Variants in CC2D2B observed in about 807,000 individuals in gnomAD.
The protein encoded by CC2D2B is protein CC2D2B.
In CC2D2B, 128 loss-of-function variants were observed where a neutral mutation model predicts 161.2. The observed-to-expected ratio is 0.79, with a 90% CI of 0.69 to 0.92. CC2D2B has a LOEUF of 0.92. Ranked by LOEUF, CC2D2B falls within the 40% of genes least tolerant of loss-of-function variation. CC2D2B has a pLI of 0.00. For synonymous variants in CC2D2B, 391 were observed against 449.8 expected (o/e 0.87, Z 1.65); for missense variants, 1,173 against 1,375.1 (o/e 0.85, Z 2.32).
Position 96,019,209 on chromosome 10 carries a change from G to T in CC2D2B, c.3637G>T (p.Val1213Leu), listed in dbSNP as rs1423431977. Residue 1213 changes from valine (V) to leucine (L), a missense_variant, in exon 31 of 35, where the codon GTG becomes TTG. Physicochemically the swap from Val to Leu is conservative, Grantham distance 32. Around this residue, in one of 3 missense-constraint regions of CC2D2B, gnomAD observed 598 missense variants for 693.2 expected, o/e 0.86. Transcript: ENST00000646931. ...LLGTSVLEGH[V>L]AYVVTQETNE... ...TTTCTTTTTTCTCATACAGGGGCATGTGGCTTATGTAGTAACTCAAGAAAC... is the reference window on the plus strand; with the variant it reads ...TTTCTTTTTTCTCATACAGGGGCATTTGGCTTATGTAGTAACTCAAGAAAC... 2 of 1,595,340 alleles carry T rather than the reference G, an allele frequency of 1.3e-6. No homozygotes were observed. The highest frequency in any genetic ancestry group is 4.5e-5 in the East Asian group (2 of 44,694).
chr10:95,999,172 G>C (rs1479912681), intron 24 of CC2D2B, among the ~76,000 whole-genome samples: 1 of 152,192 alleles, frequency 6.6e-6, no homozygotes, highest in African/African-American at 2.4e-5. Context: ...TCTCAGCCCA[G>C]TTGACACATA....
Position 95,921,945 on chromosome 10 carries a change from T to C in CC2D2B, c.37-71T>C, listed in dbSNP as rs2098528254. On this transcript the variant is annotated intron_variant, in intron 2 of 34. Coordinates refer to ENST00000646931, the MANE Select transcript of CC2D2B (RefSeq NM_001349008.3). ...ATGTACCCTAGGACTTAAAGTATAA[T>C]AATAATAATAATAAAAGATGTTCAG... 17 of 826,268 alleles carry C rather than the reference T, an allele frequency of 2.1e-5. No homozygotes were observed. In the South Asian group the frequency reaches 3.1e-4, roughly 15 times the overall value. The allele number at this position is 826,268 out of a possible 1,614,324, so 51.2% of individuals were successfully genotyped here.
chr10:95,970,154 C>T (rs1041715177), intron 15 of CC2D2B, among the ~76,000 whole-genome samples: 1 of 151,984 alleles, frequency 6.6e-6, no homozygotes, highest in African/African-American at 2.4e-5. Context: ...CCTTCCTCAG[C>T]CTGCCAAGTA....
At chr10:96,025,192 A>AATATATATATAT (rs10524712) in intron 33 of CC2D2B, among the ~76,000 whole-genome samples, 11 of 49,202 alleles carry the variant, frequency 2.2e-4, no homozygotes, top group South Asian at 7.6e-4. Flanking sequence ...TATAAAAAAA[A>AATATATATATAT]ATATATATAT....
intron 3 of CC2D2B, among the ~76,000 whole-genome samples, chr10:95,923,151 C>T (rs1239259354): frequency 1.3e-5 from 2 of 152,140 alleles, no homozygotes; most frequent in Non-Finnish European, 2.9e-5. Context: ...GGGGTTTCTC[C>T]ATGTTGGTCA....
chr10:95,981,168 C>T lies in CC2D2B; in HGVS notation c.1944-807C>T, dbSNP rs144495439. Among the ~76,000 whole-genome samples the T allele has an allele frequency of 4.6e-3, 698 of 152,066 alleles. 4 individuals are homozygous for T. The highest frequency in any genetic ancestry group is 0.015 in the African/African-American group (611 of 41,484). On this transcript the variant is annotated intron_variant, in intron 17 of 34. Transcript: ENST00000646931. ...CAGCACTTTGGGAGGCCAAGGGGGG[C>T]GGATCACAAGGTCAGGAGATTGAAA...
At chr10:95,997,700 C>T (rs1282208902) in intron 24 of CC2D2B, among the ~76,000 whole-genome samples, 3 of 152,170 alleles carry the variant, frequency 2.0e-5, no homozygotes, top group Admixed American at 6.5e-5. Context: ...CTTCTTAAAA[C>T]ACAGATTGGT....
rs1307276773 is a variant in CC2D2B, at chr10:96,031,910, C to A, written c.4216C>A (p.Pro1406Thr). The A allele has an allele frequency of 2.5e-6, 4 of 1,613,384 alleles. No individual in the cohort carries two copies. The African/African-American group carries it at 5.3e-5, about 22-fold the overall frequency. ...YQTGIHSAEF[P>T]QTEFALAVYI... ...AACTGGAATTCACTCTGCTGAATTT[C>A]CCCAGACAGAATTTGCTTTAGCTGT... The change falls in exon 35 of 35, where the codon CCC becomes ACC. Residue 1406 changes from proline to threonine, a missense_variant. This residue lies in a region of CC2D2B where 598 missense variants were observed against 693.2 expected (regional missense o/e 0.86). Coordinates refer to ENST00000646931, the MANE Select transcript of CC2D2B (RefSeq NM_001349008.3).
chr10:95,954,235 G>A (rs1222218580), intron 10 of CC2D2B, among the ~76,000 whole-genome samples: 8 of 152,142 alleles, frequency 5.3e-5, no homozygotes, highest in Admixed American at 6.6e-5. Flanking sequence ...ATATATGTGT[G>A]TGTCAAAGGG....
chr10:95,926,538 TTA>T (rs920644915), intron 5 of CC2D2B, among the ~76,000 whole-genome samples: 20 of 151,500 alleles, frequency 1.3e-4, no homozygotes, highest in African/African-American at 4.1e-4. Flanking sequence ...TTATATAAAG[TTA>T]TATCTTATAA....
chr10:95,998,425 C>T (rs1259141954), intron 24 of CC2D2B, among the ~76,000 whole-genome samples: 1 of 152,142 alleles, frequency 6.6e-6, no homozygotes, highest in Non-Finnish European at 1.5e-5. Flanking sequence ...CTATTCATCC[C>T]TCCCTCCCCC....
chr10:95,925,755 C>T (rs1350349246), intron 5 of CC2D2B, among the ~76,000 whole-genome samples: 4 of 152,142 alleles, frequency 2.6e-5, no homozygotes, highest in Non-Finnish European at 4.4e-5. Context: ...GGTTTCCATC[C>T]GTAAGTCCAA....
At chr10:95,976,094 T>A (rs975257498) in intron 17 of CC2D2B, among the ~76,000 whole-genome samples, 2 of 152,278 alleles carry the variant, frequency 1.3e-5, no homozygotes, top group East Asian at 3.9e-4. Flanking sequence ...CTTGTCCATC[T>A]CCCTAGGCTG....
intron 9 of CC2D2B, among the ~76,000 whole-genome samples, chr10:95,947,907 GC>G (rs1312724799): frequency 6.6e-6 from 1 of 152,084 alleles, no homozygotes; most frequent in African/African-American, 2.4e-5. Flanking sequence ...TGCTTAGAGG[GC>G]CCAGGCTCCT....
chr10:96,025,933 T>G (rs1388267454), intron 33 of CC2D2B, among the ~76,000 whole-genome samples: 3 of 152,168 alleles, frequency 2.0e-5, no homozygotes, highest in African/African-American at 7.2e-5. Context: ...TCATTCTTAC[T>G]CCTCATTTCC....
intron 33 of CC2D2B, among the ~76,000 whole-genome samples, chr10:96,025,684 A>G (rs532382237): frequency 6.6e-6 from 1 of 152,322 alleles, no homozygotes; most frequent in Admixed American, 6.5e-5. Context: ...CCAAGCACCT[A>G]CACGTAAGTG....
chr10:95,934,313 G>A (rs1013549517), intron 6 of CC2D2B, among the ~76,000 whole-genome samples: 1 of 152,124 alleles, frequency 6.6e-6, no homozygotes. Context: ...TAGCTTGCGG[G>A]GCTCCGTCGG....
chr10:96,032,039 C>T lies in CC2D2B; in HGVS notation c.*31C>T, dbSNP rs887099417. The T allele has an allele frequency of 2.6e-6, 4 of 1,542,242 alleles. No homozygotes were observed. Among genetic ancestry groups the T allele is most frequent in the Non-Finnish European group, 3.6e-6 (4 of 1,124,826 alleles). On this transcript the variant is annotated 3_prime_UTR_variant, in exon 35 of 35. Coordinates refer to ENST00000646931, the MANE Select transcript of CC2D2B (RefSeq NM_001349008.3). ...AAGCAGAGCAAAGTAAAAGATTGTA[C>T]TATAGTCCTCTAGTACCAACAAAAA...
At chr10:95,990,217 G>A (rs529742046) in intron 20 of CC2D2B, among the ~76,000 whole-genome samples, 16 of 152,236 alleles carry the variant, frequency 1.1e-4, no homozygotes, top group African/African-American at 3.6e-4. Flanking sequence ...AGAGTGAAAG[G>A]TGCTATGAAA....
Sources: allele counts gnomAD v4.1 joint callset (sites outside exome capture counted in the v4.1 genomes callset), GRCh38; gene constraint gnomAD v4.1.1; regional missense constraint gnomAD v4.1.1; transcripts MANE v1.5; gene names NCBI Gene and HGNC (gene_info 2026-07-23, HGNC 2026-07-21).